The following PPP1CC variants were observed in gnomAD, a reference collection of about 807,000 sequenced individuals.
The protein encoded by PPP1CC is protein phosphatase 1 catalytic subunit gamma, also known as serine/threonine-protein phosphatase PP1-gamma catalytic subunit.
Under a neutral mutation model 38.4 loss-of-function variants are expected in PPP1CC, and 16 were observed. That is an observed-to-expected ratio of 0.42 (90% CI 0.28 to 0.63). PPP1CC has a LOEUF of 0.63. Ranked by LOEUF, PPP1CC falls within the 30% of genes least tolerant of loss-of-function variation. PPP1CC has a pLI of 0.25. For missense variants in PPP1CC, 170 were observed against 391.3 expected (o/e 0.43, Z 4.77); for synonymous variants, 158 against 136.0 (o/e 1.16, Z -1.13).
At chr12:110,736,500 T>A (rs957587640) in intron 1 of PPP1CC, among the ~76,000 whole-genome samples, 29 of 151,916 alleles carry the variant, frequency 1.9e-4, no homozygotes, top group African/African-American at 6.5e-4. Flanking sequence ...AAAATATAGC[T>A]GGACATGGTG....
At chr12:110,727,017 A>T (rs1370409528) in intron 3 of PPP1CC, among the ~76,000 whole-genome samples, 1 of 152,170 alleles carries the variant, frequency 6.6e-6, no homozygotes, top group East Asian at 1.9e-4. Flanking sequence ...GGCTCACTGC[A>T]ACCATGGTCT....
chr12:110,735,421 G>A (rs776063256), intron 1 of PPP1CC, among the ~76,000 whole-genome samples: 11 of 152,154 alleles, frequency 7.2e-5, no homozygotes, highest in Admixed American at 3.9e-4. Flanking sequence ...ACACGAGGCC[G>A]CGATGCTACA....
chr12:110,711,646 C>T, the PPP1CC span, among the ~76,000 whole-genome samples: 3 of 152,004 alleles, frequency 2.0e-5, no homozygotes, highest in South Asian at 2.1e-4. Flanking sequence ...ATACACTAGC[C>T]AGGGGCAGTG....
At chr12:110,737,337 G>C (rs1436244888) in intron 1 of PPP1CC, among the ~76,000 whole-genome samples, 1 of 151,588 alleles carries the variant, frequency 6.6e-6, no homozygotes, top group African/African-American at 2.4e-5. Context: ...AATTAGCAGG[G>C]CATGGTGGTA....
Position 110,720,202 on chromosome 12 carries a change from C to T in PPP1CC, c.*874G>A, listed in dbSNP as rs779072647. ...TGAATGGACGGGTTCAGGCCTGATGCAACTGTAAAAAGATTACTTAATGAA... is the reference window on the plus strand; with the variant it reads ...TGAATGGACGGGTTCAGGCCTGATGTAACTGTAAAAAGATTACTTAATGAA... On this transcript the variant is annotated 3_prime_UTR_variant, in exon 7 of 7. Transcript: ENST00000335007. 6.1e-5 allele frequency: 94 copies of T among 1,548,436 alleles called. No individual in the cohort carries two copies. Among genetic ancestry groups the T allele is most frequent in the Admixed American group, 4.0e-4 (21 of 52,800 alleles).
chr12:110,729,192 CTTTT>C (rs1026282471), intron 3 of PPP1CC, among the ~76,000 whole-genome samples: 4 of 120,284 alleles, frequency 3.3e-5, no homozygotes, highest in African/African-American at 6.9e-5. Context: ...ATTTTCAAAG[CTTTT>C]TTTTTTTTTT....
At chr12:110,739,030 TAA>T (rs2069980631) in intron 1 of PPP1CC, among the ~76,000 whole-genome samples, 1 of 152,090 alleles carries the variant, frequency 6.6e-6, no homozygotes, top group Admixed American at 6.5e-5. Context: ...TGTAAACAAA[TAA>T]TTACAGGCTG....
rs760250143 is a variant in PPP1CC, at chr12:110,730,738, T to C, written c.209A>G (p.Tyr70Cys). The change falls in exon 3 of 7, where the codon TAT becomes TGT. Residue 70 changes from tyrosine to cysteine, a missense_variant. This residue lies in a region of PPP1CC where 117 missense variants were observed against 344.4 expected (regional missense o/e 0.34). Transcript: ENST00000335007. Reference sequence around the variant, plus strand: ...GTACTCAAAAAGTCGCAGCAAATCATAGTATTGTCCATGGATGTCACCTGG... The same window carrying C: ...GTACTCAAAAAGTCGCAGCAAATCACAGTATTGTCCATGGATGTCACCTGG... ...KICGDIHGQYYDLLRLFEYGG... is the reference protein window; with the variant it reads ...KICGDIHGQYCDLLRLFEYGG... 1 of 1,613,058 alleles carries C rather than the reference T, an allele frequency of 6.2e-7. No individual in the cohort carries two copies. The highest frequency in any genetic ancestry group is 1.7e-5 in the Admixed American group (1 of 59,744).
chr12:110,721,372 G>A (rs2069737321), intron 6 of PPP1CC: 1 of 445,530 alleles, frequency 2.2e-6, no homozygotes. Context: ...TCTATTATCT[G>A]GACAAATTAT....
intron 1 of PPP1CC, among the ~76,000 whole-genome samples, chr12:110,738,140 T>C (rs2136567052): frequency 6.6e-6 from 1 of 152,320 alleles, no homozygotes; most frequent in East Asian, 1.9e-4. Context: ...TTACTGTCGG[T>C]GATGACCACT....
intron 1 of PPP1CC, among the ~76,000 whole-genome samples, chr12:110,737,477 C>CAAAAAAAAAAAAAAAAAAA (rs71083137): frequency 1.7e-3 from 74 of 42,480 alleles, no homozygotes; most frequent in African/African-American, 2.8e-3. Context: ...AAGAAAGACT[C>CAAAAAAAAAAAAAAAAAAA]AAAAAAAAAA....
intron 1 of PPP1CC, among the ~76,000 whole-genome samples, chr12:110,738,107 T>G (rs2069969160): frequency 6.6e-6 from 1 of 152,204 alleles, no homozygotes; most frequent in Non-Finnish European, 1.5e-5. Flanking sequence ...GACTACATTT[T>G]GAGTTTTCAT....
chr12:110,733,744 G>A (rs968207214), intron 1 of PPP1CC, among the ~76,000 whole-genome samples: 60 of 152,256 alleles, frequency 3.9e-4, no homozygotes, highest in Non-Finnish European at 7.4e-4. Flanking sequence ...CCCCCCAAGT[G>A]CCGGGATTAC....
intron 1 of PPP1CC, among the ~76,000 whole-genome samples, chr12:110,739,363 TG>T (rs1366094767): frequency 2.6e-5 from 4 of 151,948 alleles, no homozygotes; most frequent in African/African-American, 2.4e-5. Flanking sequence ...AGATTACTTT[TG>T]TTTTTTTTTT....
At chr12:110,738,581 A>G (rs1007204104) in intron 1 of PPP1CC, among the ~76,000 whole-genome samples, 2 of 152,188 alleles carry the variant, frequency 1.3e-5, no homozygotes, top group Admixed American at 6.6e-5. Context: ...CTGTGCTTTC[A>G]AAGACATCAA....
At chr12:110,721,442 C>T (rs2069737933) in intron 6 of PPP1CC, 1 of 257,064 alleles carries the variant, frequency 3.9e-6, no homozygotes, top group East Asian at 8.3e-5. Context: ...TCTTTAGCTA[C>T]TCCTTCTGAT....
Position 110,722,357 on chromosome 12 carries a change from T to C in PPP1CC, c.748-88A>G. 6.4e-7 allele frequency: 1 copy of C among 1,566,088 alleles called. No individual in the cohort carries two copies. Among genetic ancestry groups the C allele is most frequent in the Non-Finnish European group, 8.8e-7 (1 of 1,142,524 alleles). On this transcript the variant is annotated intron_variant, in intron 5 of 6. Coordinates refer to ENST00000335007, the MANE Select transcript of PPP1CC (RefSeq NM_002710.4). The surrounding 1 kb of genome is among the most constrained non-coding windows in gnomAD (Gnocchi z 5.4). ...CAGTTTCCCATTGAGCCTGATATCT[T>C]GTGTTCCAGAAACACTTTGTATAAA...
At chr12:110,709,058 C>T in the PPP1CC span, among the ~76,000 whole-genome samples, 2 of 151,818 alleles carry the variant, frequency 1.3e-5, no homozygotes, top group Non-Finnish European at 2.9e-5. Context: ...ACAACACACA[C>T]AGAGAAACAA....
downstream of PPP1CC, among the ~76,000 whole-genome samples, chr12:110,716,467 C>T (rs2069688867): frequency 6.6e-6 from 1 of 152,022 alleles, no homozygotes; most frequent in Non-Finnish European, 1.5e-5. Context: ...ATTCTCCTGC[C>T]TCAGCCTCCC....
Sources: allele counts gnomAD v4.1 joint callset (sites outside exome capture counted in the v4.1 genomes callset), GRCh38; gene constraint gnomAD v4.1.1; regional missense constraint gnomAD v4.1.1; non-coding constraint Gnocchi (gnomAD v3.1); transcripts MANE v1.5; gene names NCBI Gene and HGNC (gene_info 2026-07-23, HGNC 2026-07-21).